CPB2: variants seen among roughly 807,000 people sequenced by gnomAD.
CPB2 encodes carboxypeptidase B2.
In CPB2, 54 loss-of-function variants were observed where a neutral mutation model predicts 57.0. That is an observed-to-expected ratio of 0.95 (90% CI 0.76 to 1.19). The LOEUF (loss-of-function observed/expected upper bound fraction) is 1.19. CPB2 is among the 50% of genes most tolerant of loss of function. The pLI, the probability that CPB2 is intolerant of heterozygous loss-of-function variation, is 0.00. For synonymous variants in CPB2, 189 were observed against 178.1 expected, an observed-to-expected ratio of 1.06 and a Z score of -0.49; for missense variants, 426 against 512.0, an observed-to-expected ratio of 0.83 and a Z score of 1.62.
At chr13:46,102,824 G>A (rs2045453110) in intron 1 of CPB2, among the ~76,000 whole-genome samples, 1 of 152,090 alleles carries the variant, frequency 6.6e-6, no homozygotes, top group Non-Finnish European at 1.5e-5. Context: ...ATATTCATCT[G>A]TCTACAATAC....
At chr13:46,059,203 T>A (rs1006846611) in intron 8 of CPB2, among the ~76,000 whole-genome samples, 1 of 152,196 alleles carries the variant, frequency 6.6e-6, no homozygotes, top group African/African-American at 2.4e-5. Context: ...GTGGAGCACA[T>A]GCTGTACGTC....
At chr13:46,073,482 G>C in intron 6 of CPB2, 1 of 983,046 alleles carries the variant, frequency 1.0e-6, no homozygotes, top group Non-Finnish European at 1.2e-6. Flanking sequence ...AATTTCCAAG[G>C]GCAAAGGTGG....
intron 1 of CPB2, among the ~76,000 whole-genome samples, chr13:46,093,713 A>G (rs947180854): frequency 6.6e-5 from 10 of 152,222 alleles, no homozygotes; most frequent in African/African-American, 2.4e-4. Context: ...TAAACAACAC[A>G]TTGTTAGCTT....
chr13:46,061,964 A>G (rs1306975947), intron 8 of CPB2, among the ~76,000 whole-genome samples: 2 of 151,912 alleles, frequency 1.3e-5, no homozygotes, highest in African/African-American at 4.8e-5. Flanking sequence ...CTTACATAGT[A>G]CAGAATAGAT....
At chr13:46,070,607 T>C (rs2139370277) in intron 6 of CPB2, among the ~76,000 whole-genome samples, 1 of 152,198 alleles carries the variant, frequency 6.6e-6, no homozygotes, top group South Asian at 2.1e-4. Context: ...ATTTGAGAGA[T>C]AATAAATTAG....
chr13:46,084,121 T>C, intron 3 of CPB2, 98 bp downstream of exon 3: 1 of 1,414,568 alleles, frequency 7.1e-7, no homozygotes, highest in Non-Finnish European at 9.7e-7. Flanking sequence ...CCATGGTTAA[T>C]ACATTTTATT....
intron 2 of CPB2, among the ~76,000 whole-genome samples, chr13:46,084,686 A>T (rs1027418757): frequency 1.3e-5 from 2 of 151,982 alleles, no homozygotes; most frequent in Admixed American, 6.6e-5. Context: ...AGGAAACAAA[A>T]TTTTTTCTAG....
In CPB2 at chr13:46,083,669, G is replaced by C. The variant is rs574175041; in HGVS notation, c.275+550C>G. On this transcript the variant is annotated intron_variant, in intron 3 of 10. Coordinates refer to ENST00000181383, the MANE Select transcript of CPB2 (RefSeq NM_001872.5). ...ATTTCTAATCCACAGGGTAGGTGCT[G>C]TTTTTACCCTTAATATACAAAACTT... Among the ~76,000 whole-genome samples, 3 of 152,300 alleles carry C rather than the reference G, an allele frequency of 2.0e-5. No individual in the cohort carries two copies. In the East Asian group the frequency reaches 5.8e-4, roughly 29 times the overall value.
intron 8 of CPB2, 98 bp downstream of exon 8, chr13:46,064,550 A>AG: frequency 1.1e-6 from 1 of 923,134 alleles, no homozygotes; most frequent in South Asian, 1.4e-5. Context: ...TGATTCAGAC[A>AG]GGCCAGCTCT....
At chr13:46,064,495 C>T (rs539702194) in intron 8 of CPB2, among the ~76,000 whole-genome samples, 153 bp downstream of exon 8, 2 of 152,158 alleles carry the variant, frequency 1.3e-5, no homozygotes, top group African/African-American at 2.4e-5. Context: ...GGCCAACAGT[C>T]GCAGCATTAC....
intron 10 of CPB2, among the ~76,000 whole-genome samples, chr13:46,055,182 C>G (rs1476503983): frequency 6.6e-6 from 1 of 151,952 alleles, no homozygotes; most frequent in Non-Finnish European, 1.5e-5. Flanking sequence ...TCCCTTCAAA[C>G]TTCAAAAGGG....
intron 3 of CPB2, 104 bp downstream of exon 3, chr13:46,084,115 G>T: frequency 7.3e-7 from 1 of 1,372,212 alleles, no homozygotes; most frequent in Non-Finnish European, 1.0e-6. Flanking sequence ...ATGCTGCCAT[G>T]GTTAATACAT....
At chr13:46,067,182 T>TGTC in intron 7 of CPB2, 125 bp downstream of exon 7, 1 of 445,220 alleles carries the variant, frequency 2.2e-6, no homozygotes, top group Middle Eastern at 3.6e-4. Flanking sequence ...TTTTCCACAA[T>TGTC]AAAAGTTAAA....
intron 7 of CPB2, among the ~76,000 whole-genome samples, 174 bp from the exon 8 acceptor site, chr13:46,064,915 G>A (rs2044830731): frequency 6.6e-6 from 1 of 152,112 alleles, no homozygotes; most frequent in East Asian, 1.9e-4. Context: ...GGTCCCTATT[G>A]CTATCCGGGT....
chr13:46,082,660 C>T, intron 3 of CPB2, 111 bp from the exon 4 acceptor site: 1 of 604,620 alleles, frequency 1.7e-6, no homozygotes, highest in South Asian at 2.2e-5. Flanking sequence ...CACTAAGAAA[C>T]TTCATAAGCA....
Position 46,058,287 on chromosome 13 carries a change from TCTC to T in CPB2, c.888_890del (p.Arg298del). Reference sequence around the variant, plus strand: ...ATGCTTTAATCTGGTTGATATTTCTTCTCAAGAAACTAGCCACTGCCTTCACTT... The same window carrying T: ...ATGCTTTAATCTGGTTGATATTTCTTAAGAAACTAGCCACTGCCTTCACTT... On this transcript the variant is annotated inframe_deletion, in exon 9 of 11. Coordinates refer to ENST00000181383, the MANE Select transcript of CPB2 (RefSeq NM_001872.5). 6.2e-7 allele frequency: 1 copy of T among 1,614,134 alleles called. No homozygotes were observed. Among genetic ancestry groups the T allele is most frequent in the Non-Finnish European group, 8.5e-7 (1 of 1,179,982 alleles).
In CPB2 at chr13:46,084,342, A is replaced by C; in HGVS notation, c.152T>G (p.Ile51Ser). Residue 51 changes from isoleucine (I) to serine (S), a missense_variant and splice_region_variant, in exon 3 of 11, where the codon ATT (isoleucine) becomes AGT (serine). Coordinates refer to ENST00000181383, the MANE Select transcript of CPB2 (RefSeq NM_001872.5). ...AGCTGTTACCGGCTGCCAGAGAACA[A>C]TCTACAGTTTAAGGGGCAAAATTGA... ...VLQNLTTTYE[I>S]VLWQPVTADL... The C allele has an allele frequency of 6.2e-7, 1 of 1,614,104 alleles. No individual in the cohort carries two copies. The highest frequency in any genetic ancestry group is 8.5e-7 in the Non-Finnish European group (1 of 1,179,986).
At chr13:46,086,319 A>G (rs2045203530) in intron 2 of CPB2, among the ~76,000 whole-genome samples, 1 of 152,122 alleles carries the variant, frequency 6.6e-6, no homozygotes, top group African/African-American at 2.4e-5. Context: ...GGGAACAATG[A>G]CGTACGTGGA....
rs537432585 is a variant in CPB2 at position 46,101,792 on chromosome 13, C to T, written c.74+3144G>A. On this transcript the variant is annotated intron_variant, in intron 1 of 10. Transcript: ENST00000181383. The stretch of plus-strand genomic sequence containing the variant: ...GGTGATAAGTAGCAGATCTGGGGCT[C>T]GAATCCAGATCCTGAGCTTTTAATA... 4.6e-5 allele frequency among the ~76,000 whole-genome samples: 7 copies of T among 152,260 alleles called. No homozygotes were observed. In the South Asian group the frequency reaches 8.3e-4, roughly 18 times the overall value.
Sources: gnomAD v4.1 joint callset for allele counts (sites outside exome capture counted in the v4.1 genomes callset) on GRCh38, gnomAD v4.1.1 for gene constraint, MANE v1.5 for transcripts, NCBI Gene and HGNC (gene_info 2026-07-23, HGNC 2026-07-21) for gene names.